LGALSL: variants seen among roughly 807,000 people sequenced by gnomAD.
The protein encoded by LGALSL is galectin like.
LGALSL carries 13 observed loss-of-function variants against 19.5 expected under a neutral mutation model. The ratio of observed to expected loss-of-function variants is 0.67; its 90% CI spans 0.43 to 1.06. The LOEUF (loss-of-function observed/expected upper bound fraction) is 1.06, where lower values mean the gene tolerates loss of function less well. Among genes scored for constraint, LGALSL ranks in the 50% least tolerant of loss-of-function variants. The probability of loss-of-function intolerance (pLI) is 0.00; values close to 1 mark genes in which losing one functional copy is unlikely to be tolerated. For synonymous variants in LGALSL, 86 were observed against 78.3 expected, an observed-to-expected ratio of 1.10 and a Z score of -0.52; for missense variants, 189 against 219.3, an observed-to-expected ratio of 0.86 and a Z score of 0.87.
intron 2 of LGALSL, 21 bp downstream of exon 2, chr2:64,455,436 T>C (rs1245286738): frequency 1.9e-6 from 3 of 1,591,446 alleles, no homozygotes; most frequent in East Asian, 4.5e-5. Flanking sequence ...TTGCTCTGTG[T>C]CTCTGCCTGT....
chr2:64,458,541 G>A lies in LGALSL; in HGVS notation c.*113G>A. The A allele has an allele frequency of 9.0e-7, 1 of 1,107,054 alleles. No homozygotes were observed. The highest frequency in any genetic ancestry group is 1.3e-6 in the Non-Finnish European group (1 of 784,896). 68.6% of individuals were successfully genotyped at this position (1,107,054 alleles called of 1,614,324 possible). A position where few individuals can be genotyped will look rare whatever the true frequency, so the allele number is the denominator to read the frequency against. ...CTTAAAAAGAAAACAAAAACAAATG[G>A]CAAGTTTCACTTAAGGGTGGTTTGC... is the stretch of plus-strand genomic sequence containing the variant. On this transcript the variant is annotated 3_prime_UTR_variant, in exon 5 of 5. Transcript: ENST00000238875.
Position 64,460,588 on chromosome 2 carries a change from T to C in LGALSL, c.*2160T>C, listed in dbSNP as rs1686810486. ...ATTAGCAGCCAAGCCCTTAGGCAGC[T>C]TAGTGTGAAAATACAATGTTAACTG... On this transcript the variant is annotated 3_prime_UTR_variant, in exon 5 of 5. Transcript: ENST00000238875. 6.6e-6 allele frequency: 1 copy of C among 152,254 alleles called. No individual in the cohort carries two copies. Among genetic ancestry groups the C allele is most frequent in the Admixed American group, 6.5e-5 (1 of 15,282 alleles). The allele number at this position is 152,254 out of a possible 1,614,324, so 9.4% of individuals were successfully genotyped here. A position where few individuals can be genotyped will look rare whatever the true frequency, so the allele number is the denominator to read the frequency against.
chr2:64,454,175 G>A lies in LGALSL; in HGVS notation c.-371G>A, dbSNP rs1047643661. On this transcript the variant is annotated 5_prime_UTR_variant, in exon 1 of 5. Coordinates refer to ENST00000238875, the MANE Select transcript of LGALSL (RefSeq NM_014181.3). The surrounding 1 kb of genome is among the most constrained non-coding windows in gnomAD (Gnocchi z 5.1). ...GGTCCCCGCCCTGTTCCCGGTTCCC[G>A]AGCCGGGCCCCGGAGGCCTTTAAAT... The A allele has an allele frequency of 3.0e-5, 11 of 371,102 alleles. No homozygotes were observed. Among genetic ancestry groups the A allele is most frequent in the Non-Finnish European group, 4.8e-5 (10 of 208,220 alleles). The allele number at this position is 371,102 out of a possible 1,614,324, so 23.0% of individuals were successfully genotyped here.
intron 4 of LGALSL, among the ~76,000 whole-genome samples, chr2:64,456,691 C>G (rs897199795): frequency 4.6e-5 from 7 of 152,142 alleles, no homozygotes; most frequent in African/African-American, 1.7e-4. Flanking sequence ...TAAATAGACC[C>G]ATATTTACAT....
chr2:64,455,778 T>G, intron 3 of LGALSL, 101 bp downstream of exon 3: 1 of 834,616 alleles, frequency 1.2e-6, no homozygotes, highest in East Asian at 2.6e-5. Context: ...TTGTGGACAG[T>G]GTTGCTAGTT....
At chr2:64,456,207 G>A (rs1451789004) in intron 3 of LGALSL, 81 bp from the exon 4 acceptor site, 2 of 1,264,528 alleles carry the variant, frequency 1.6e-6, no homozygotes, top group East Asian at 2.4e-5. Context: ...CCCAGAGGAG[G>A]AAGAAGAAAT....
Position 64,458,567 on chromosome 2 carries a change from C to G in LGALSL, c.*139C>G. 1 of 805,518 alleles carries G rather than the reference C, an allele frequency of 1.2e-6. No individual in the cohort carries two copies. Among genetic ancestry groups the G allele is most frequent in the Non-Finnish European group, 1.9e-6 (1 of 525,502 alleles). The allele number at this position is 805,518 out of a possible 1,614,324, so 49.9% of individuals were successfully genotyped here. On this transcript the variant is annotated 3_prime_UTR_variant, in exon 5 of 5. Transcript: ENST00000238875. Reference sequence around the variant, plus strand: ...CAAGTTTCACTTAAGGGTGGTTTGCCCTTAAGAAGAAAGCTGTTGGGACAA... The same window carrying G: ...CAAGTTTCACTTAAGGGTGGTTTGCGCTTAAGAAGAAAGCTGTTGGGACAA...
chr2:64,457,529 ACT>A (rs1558566176), intron 4 of LGALSL, among the ~76,000 whole-genome samples: 2 of 152,130 alleles, frequency 1.3e-5, no homozygotes, highest in Non-Finnish European at 1.5e-5. Flanking sequence ...AATAATGACA[ACT>A]CAGTTAAAAG....
chr2:64,460,768 G>C lies in LGALSL; in HGVS notation c.*2340G>C, dbSNP rs1686813991. 1 of 152,186 alleles carries C rather than the reference G, an allele frequency of 6.6e-6. No individual in the cohort carries two copies. The highest frequency in any genetic ancestry group is 2.1e-4 in the South Asian group (1 of 4,826). The allele number at this position is 152,186 out of a possible 1,614,324, so 9.4% of individuals were successfully genotyped here. ...TTCACACCCTCTCCTGGGCCTGTAA[G>C]GTCTAAGGTGAGAATTTCAGGATGG... On this transcript the variant is annotated 3_prime_UTR_variant, in exon 5 of 5. Transcript: ENST00000238875.
In LGALSL at chr2:64,458,516, C is replaced by G. The variant is rs561093577; in HGVS notation, c.*88C>G. 18 of 1,320,766 alleles carry G rather than the reference C, an allele frequency of 1.4e-5. No homozygotes were observed. The South Asian group carries it at 2.4e-4, about 17-fold the overall frequency. 81.8% of individuals were successfully genotyped at this position (1,320,766 alleles called of 1,614,324 possible). ...GAAGTGTCCTAGCAAGATCTGGAGACTTAAAAAGAAAACAAAAACAAATGG... is the reference window on the plus strand; with the variant it reads ...GAAGTGTCCTAGCAAGATCTGGAGAGTTAAAAAGAAAACAAAAACAAATGG... On this transcript the variant is annotated 3_prime_UTR_variant, in exon 5 of 5. Transcript: ENST00000238875.
Position 64,454,378 on chromosome 2 carries a change from C to T in LGALSL, c.-168C>T. On this transcript the variant is annotated 5_prime_UTR_variant, in exon 1 of 5. Transcript: ENST00000238875. The surrounding 1 kb of genome is among the most constrained non-coding windows in gnomAD (Gnocchi z 5.1). ...CCCCTCCCCTCCTCCCAGGCTCTGC[C>T]TGCCAGGTCGGCGCCGGGCCCCGGG... The T allele has an allele frequency of 2.6e-6, 1 of 388,788 alleles. No homozygotes were observed. The highest frequency in any genetic ancestry group is 4.5e-6 in the Non-Finnish European group (1 of 221,852). The allele number at this position is 388,788 out of a possible 1,614,324, so 24.1% of individuals were successfully genotyped here.
intron 4 of LGALSL, among the ~76,000 whole-genome samples, 195 bp downstream of exon 4, chr2:64,456,660 G>A (rs1040393744): frequency 1.3e-5 from 2 of 152,098 alleles, no homozygotes; most frequent in Non-Finnish European, 2.9e-5. Flanking sequence ...TATCTTCTTA[G>A]TTCTATTCAG....
Position 64,459,974 on chromosome 2 carries a change from C to T in LGALSL, c.*1546C>T, listed in dbSNP as rs1329793005. On this transcript the variant is annotated 3_prime_UTR_variant, in exon 5 of 5. Transcript: ENST00000238875. The stretch of plus-strand genomic sequence containing the variant: ...GTTTTGTTTGTACAGCATACTGTGT[C>T]TTGTAATGACACATCCTTGTCCTGC... 2 of 148,434 alleles carry T rather than the reference C, an allele frequency of 1.3e-5. No individual in the cohort carries two copies. The highest frequency in any genetic ancestry group is 3.0e-5 in the Non-Finnish European group (2 of 67,466). The allele number at this position is 148,434 out of a possible 1,614,324, so 9.2% of individuals were successfully genotyped here. A position where few individuals can be genotyped will look rare whatever the true frequency, so the allele number is the denominator to read the frequency against.
Position 64,455,645 on chromosome 2 carries a change from A to G in LGALSL, c.165A>G (p.Leu55=). Residue 55 remains leucine (L), a synonymous_variant, in exon 3 of 5, where the codon TTA becomes TTG. Transcript: ENST00000238875. Reference sequence around the variant, plus strand: ...GCATGAGACCAGGCAAGAAGGTGTTAGTGATGGGCATCGTAGACCTCAACC... The same window carrying G: ...GCATGAGACCAGGCAAGAAGGTGTTGGTGATGGGCATCGTAGACCTCAACC... ...KGGMRPGKKV[L]VMGIVDLNPE... 1 of 1,613,948 alleles carries G rather than the reference A, an allele frequency of 6.2e-7. No individual in the cohort carries two copies. The highest frequency in any genetic ancestry group is 8.5e-7 in the Non-Finnish European group (1 of 1,179,814).
In LGALSL at chr2:64,460,335, C is replaced by G. The variant is rs946077434; in HGVS notation, c.*1907C>G. ...CAGGTATTTTCAAGCCTGTGATTAA[C>G]TTCTCATGGCTTGTCACTTAAAAGT... On this transcript the variant is annotated 3_prime_UTR_variant, in exon 5 of 5. Coordinates refer to ENST00000238875, the MANE Select transcript of LGALSL (RefSeq NM_014181.3). 5.3e-5 allele frequency: 8 copies of G among 152,308 alleles called. No homozygotes were observed. The highest frequency in any genetic ancestry group is 1.7e-4 in the African/African-American group (7 of 41,556). 9.4% of individuals were successfully genotyped at this position (152,308 alleles called of 1,614,324 possible). A position where few individuals can be genotyped will look rare whatever the true frequency, so the allele number is the denominator to read the frequency against.
intron 1 of LGALSL, 23 bp from the exon 2 acceptor site, chr2:64,455,321 A>T (rs779800512): frequency 3.8e-6 from 6 of 1,570,206 alleles, no homozygotes; most frequent in Non-Finnish European, 5.3e-6. Context: ...ATGGAAAGCC[A>T]ATCTGTGTAC....
At position 64,455,632 on chromosome 2, in the gene LGALSL, G is replaced by A. The variant is rs1422994884; in HGVS notation, c.152G>A (p.Gly51Asp). ...CGHIKGGMRP[G>D]KKVLVMGIVD... is the part of the protein sequence containing the mutation. ...CACATTAAAGGTGGCATGAGACCAG[G>A]CAAGAAGGTGTTAGTGATGGGCATC... The change falls in exon 3 of 5, where the codon GGC (glycine) becomes GAC (aspartate). Residue 51 changes from glycine to aspartate, a missense_variant. This residue lies in a region of LGALSL where 21 missense variants were observed against 51.0 expected (regional missense o/e 0.41). Coordinates refer to ENST00000238875, the MANE Select transcript of LGALSL (RefSeq NM_014181.3). 1 of 1,614,068 alleles carries A rather than the reference G, an allele frequency of 6.2e-7. No individual in the cohort carries two copies. Among genetic ancestry groups the A allele is most frequent in the South Asian group, 1.1e-5 (1 of 91,076 alleles).
intron 3 of LGALSL, 82 bp downstream of exon 3, chr2:64,455,759 T>G (rs1290491059): frequency 3.0e-6 from 3 of 987,772 alleles, no homozygotes; most frequent in African/African-American, 1.6e-5. Flanking sequence ...AGCACTCCTC[T>G]TCCTCTCCTT....
At chr2:64,456,151 A>C in intron 3 of LGALSL, 137 bp from the exon 4 acceptor site, 2 of 667,938 alleles carry the variant, frequency 3.0e-6, no homozygotes, top group Non-Finnish European at 5.0e-6. Context: ...ACTTCTCCAT[A>C]ATCTAACCTC....
Sources: allele counts gnomAD v4.1 joint callset (sites outside exome capture counted in the v4.1 genomes callset), GRCh38; gene constraint gnomAD v4.1.1; regional missense constraint gnomAD v4.1.1; non-coding constraint Gnocchi (gnomAD v3.1); transcripts MANE v1.5; gene names NCBI Gene and HGNC (gene_info 2026-07-23, HGNC 2026-07-21).